SH3GL2: variants seen among roughly 807,000 people sequenced by gnomAD.
SH3GL2 encodes the protein SH3 domain containing GRB2 like 2, endophilin A1.
Under a neutral mutation model 46.0 loss-of-function variants are expected in SH3GL2, and 24 were observed. That is an observed-to-expected ratio of 0.52 (90% CI 0.38 to 0.73). The LOEUF is 0.73. Ranked by LOEUF, SH3GL2 falls within the 30% of genes least tolerant of loss-of-function variation. The pLI is 0.00. For missense variants in SH3GL2, 413 were observed against 424.2 expected (o/e 0.97, Z 0.23); for synonymous variants, 196 against 147.1 (o/e 1.33, Z -2.40).
intron 1 of SH3GL2, among the ~76,000 whole-genome samples, chr9:17,606,648 G>T (rs1818766483): frequency 6.6e-6 from 1 of 152,164 alleles, no homozygotes; most frequent in Non-Finnish European, 1.5e-5. Flanking sequence ...AGATTTACTT[G>T]ATGTTCTCTG....
chr9:17,757,400 A>G (rs9406695), intron 2 of SH3GL2, among the ~76,000 whole-genome samples: 5,554 of 152,292 alleles, frequency 0.036, 178 homozygotes, highest in African/African-American at 0.092. Context: ...AAATTTTTGC[A>G]ATCTATTCAT....
rs1219658573 is a variant in SH3GL2 at position 17,619,438 on chromosome 9, G to T, written c.45+40151G>T. Among the ~76,000 whole-genome samples the T allele has an allele frequency of 2.6e-5, 4 of 152,332 alleles. No homozygotes were observed. The East Asian group carries it at 5.8e-4, about 22-fold the overall frequency. On this transcript the variant is annotated intron_variant, in intron 1 of 8. Coordinates refer to ENST00000380607, the MANE Select transcript of SH3GL2 (RefSeq NM_003026.5). ...CACGCCTGTAATCCCAGCACTTTGGGAGGCTGAGCCAGGCAGATTACCTGA... is the reference window on the plus strand; with the variant it reads ...CACGCCTGTAATCCCAGCACTTTGGTAGGCTGAGCCAGGCAGATTACCTGA...
At chr9:17,597,647 C>T (rs1464479716) in intron 1 of SH3GL2, among the ~76,000 whole-genome samples, 2 of 152,110 alleles carry the variant, frequency 1.3e-5, no homozygotes, top group Non-Finnish European at 2.9e-5. Flanking sequence ...AAGGGTTTTG[C>T]AAGATGCTTC....
intron 1 of SH3GL2, among the ~76,000 whole-genome samples, chr9:17,667,161 G>A (rs1820364346): frequency 6.6e-6 from 1 of 152,060 alleles, no homozygotes; most frequent in East Asian, 1.9e-4. Context: ...TGTGATACAT[G>A]TTGCAGCAAA....
chr9:17,689,430 C>T (rs1022405296), intron 1 of SH3GL2, among the ~76,000 whole-genome samples: 6 of 152,014 alleles, frequency 3.9e-5, no homozygotes, highest in Non-Finnish European at 4.4e-5. Context: ...AATATTGACT[C>T]GTCAATTGTA....
At chr9:17,652,723 G>T (rs906473025) in intron 1 of SH3GL2, among the ~76,000 whole-genome samples, 1 of 152,126 alleles carries the variant, frequency 6.6e-6, no homozygotes, top group Admixed American at 6.5e-5. Context: ...TTAGAGTTCA[G>T]ATTTTCAGAT....
chr9:17,613,648 T>C (rs969249118), intron 1 of SH3GL2, among the ~76,000 whole-genome samples: 6 of 152,332 alleles, frequency 3.9e-5, no homozygotes, highest in Admixed American at 3.3e-4. Context: ...AATGCCTTAC[T>C]GTTTGGAGAA....
At chr9:17,607,377 C>T (rs139357585) in intron 1 of SH3GL2, among the ~76,000 whole-genome samples, 2,236 of 152,138 alleles carry the variant, frequency 0.015, 15 homozygotes, top group African/African-American at 0.022. Context: ...ATGGTATAAA[C>T]GATTAAAAAT....
At chr9:17,710,426 A>G (rs1003771455) in intron 1 of SH3GL2, among the ~76,000 whole-genome samples, 8 of 152,080 alleles carry the variant, frequency 5.3e-5, no homozygotes, top group African/African-American at 1.9e-4. Context: ...TTGGAGTGTT[A>G]TGGTCAGGTA....
chr9:17,608,805 T>A (rs1456575637), intron 1 of SH3GL2, among the ~76,000 whole-genome samples: 1 of 152,252 alleles, frequency 6.6e-6, no homozygotes, highest in Non-Finnish European at 1.5e-5. Context: ...CATGAATTAT[T>A]TTCTGTAACG....
chr9:17,702,683 A>G (rs1257185567), intron 1 of SH3GL2, among the ~76,000 whole-genome samples: 3 of 152,248 alleles, frequency 2.0e-5, no homozygotes, highest in Non-Finnish European at 1.5e-5. Flanking sequence ...CATTATTACA[A>G]TTAGGAAATT....
chr9:17,626,142 C>A (rs561331939), intron 1 of SH3GL2, among the ~76,000 whole-genome samples: 100 of 152,324 alleles, frequency 6.6e-4, no homozygotes, highest in Non-Finnish European at 1.3e-3. Flanking sequence ...GCAGATGGAG[C>A]CTGTGGGAGC....
In SH3GL2 at chr9:17,722,137, A is replaced by G. The variant is rs370824493; in HGVS notation, c.46-24929A>G. 2.4e-4 allele frequency among the ~76,000 whole-genome samples: 36 copies of G among 152,226 alleles called. No homozygotes were observed. The East Asian group carries it at 4.5e-3, about 19-fold the overall frequency. On this transcript the variant is annotated intron_variant, in intron 1 of 8. Coordinates refer to ENST00000380607, the MANE Select transcript of SH3GL2 (RefSeq NM_003026.5). Reference sequence around the variant, plus strand: ...AAGTGAAAGACCTGCCCAAAGTGACATACCCAGAAAGTGGCAGGATTGATA... The same window carrying G: ...AAGTGAAAGACCTGCCCAAAGTGACGTACCCAGAAAGTGGCAGGATTGATA...
At chr9:17,634,381 C>G (rs916023707) in intron 1 of SH3GL2, among the ~76,000 whole-genome samples, 5 of 152,060 alleles carry the variant, frequency 3.3e-5, no homozygotes, top group African/African-American at 1.2e-4. Context: ...CCAAACTCCA[C>G]AACAGGTTTT....
At chr9:17,715,107 A>G (rs1453488068) in intron 1 of SH3GL2, among the ~76,000 whole-genome samples, 1 of 151,056 alleles carries the variant, frequency 6.6e-6, no homozygotes, top group Non-Finnish European at 1.5e-5. Flanking sequence ...TCCTTTGTAT[A>G]TAATATGTCT....
chr9:17,755,837 A>G (rs569323486), intron 2 of SH3GL2: 2 of 918,924 alleles, frequency 2.2e-6, no homozygotes, highest in South Asian at 1.0e-4. Context: ...AAGAAAGGTA[A>G]TATTCCCATG....
At chr9:17,580,505 C>A (rs997962212) in intron 1 of SH3GL2, among the ~76,000 whole-genome samples, 17 of 152,046 alleles carry the variant, frequency 1.1e-4, no homozygotes, top group African/African-American at 3.9e-4. Flanking sequence ...CACATTCTTG[C>A]CTTTATAGAA....
At chr9:17,746,053 T>G (rs566584727) in intron 1 of SH3GL2, among the ~76,000 whole-genome samples, 2 of 152,286 alleles carry the variant, frequency 1.3e-5, no homozygotes, top group South Asian at 4.1e-4. Flanking sequence ...AATCATTATT[T>G]CAGAATATAA....
At chr9:17,622,000 C>G (rs1819152536) in intron 1 of SH3GL2, among the ~76,000 whole-genome samples, 1 of 152,150 alleles carries the variant, frequency 6.6e-6, no homozygotes, top group Non-Finnish European at 1.5e-5. Context: ...CTTTAGGTTG[C>G]TAATTTCTGC....
Sources: gnomAD v4.1 joint callset for allele counts (sites outside exome capture counted in the v4.1 genomes callset) on GRCh38, gnomAD v4.1.1 for gene constraint, MANE v1.5 for transcripts, NCBI Gene and HGNC (gene_info 2026-07-23, HGNC 2026-07-21) for gene names.